The following GALNT14 variants were observed in gnomAD, a reference collection of about 807,000 sequenced individuals.
GALNT14 encodes the protein polypeptide N-acetylgalactosaminyltransferase 14.
In GALNT14, 60 loss-of-function variants were observed where a neutral mutation model predicts 77.5. That is an observed-to-expected ratio of 0.77 (90% confidence interval 0.63 to 0.96). GALNT14 has a LOEUF of 0.96. GALNT14 is among the 40% of genes least tolerant of loss of function. GALNT14 has a pLI of 0.00. For synonymous variants in GALNT14, 280 were observed against 281.7 expected (o/e 0.99, Z 0.06); for missense variants, 710 against 731.0 (o/e 0.97, Z 0.33).
At chr2:30,952,686 A>G (rs975826593) in intron 6 of GALNT14, among the ~76,000 whole-genome samples, 1 of 150,494 alleles carries the variant, frequency 6.6e-6, no homozygotes, top group African/African-American at 2.4e-5. Flanking sequence ...GGTGCAGCGC[A>G]CCAGCATGGC....
Position 30,951,064 on chromosome 2 carries a change from C to T in GALNT14, c.654+4554G>A, listed in dbSNP as rs547746228. ...ATGAGCCAGCAGCAATTCACATATA[C>T]ACCCCCAAATAATTGAAAACAGAGA... On this transcript the variant is annotated intron_variant, in intron 6 of 14. Coordinates refer to ENST00000349752, the MANE Select transcript of GALNT14 (RefSeq NM_024572.4). Among the ~76,000 whole-genome samples the T allele has an allele frequency of 4.6e-5, 7 of 152,318 alleles. No homozygotes were observed. In the South Asian group the frequency reaches 1.2e-3, roughly 27 times the overall value.
At chr2:31,017,895 T>C (rs1468790195) in intron 1 of GALNT14, among the ~76,000 whole-genome samples, 1 of 152,244 alleles carries the variant, frequency 6.6e-6, no homozygotes, top group African/African-American at 2.4e-5. Context: ...AATAGTTTAA[T>C]ATGTTGTTCA....
intron 1 of GALNT14, among the ~76,000 whole-genome samples, chr2:31,015,154 T>C (rs1438397119): frequency 6.6e-6 from 1 of 152,044 alleles, no homozygotes; most frequent in Non-Finnish European, 1.5e-5. Flanking sequence ...TAGCTGGGCA[T>C]AGTGGTGCAC....
At chr2:31,036,144 A>G (rs1324945993) in intron 1 of GALNT14, among the ~76,000 whole-genome samples, 1 of 152,136 alleles carries the variant, frequency 6.6e-6, no homozygotes, top group Non-Finnish European at 1.5e-5. Flanking sequence ...GTAATTAGTA[A>G]TAAGGTAGGA....
intron 1 of GALNT14, among the ~76,000 whole-genome samples, chr2:31,040,759 C>G (rs1673050217): frequency 6.6e-6 from 1 of 152,134 alleles, no homozygotes; most frequent in Admixed American, 6.5e-5. Context: ...TTCCTGCCAG[C>G]CCTGCAGGTG....
intron 9 of GALNT14, 106 bp from the exon 10 acceptor site, chr2:30,932,300 G>C (rs1665785563): frequency 9.0e-7 from 1 of 1,115,944 alleles, no homozygotes; most frequent in African/African-American, 1.6e-5. Context: ...CGAAAGAACA[G>C]ACTCTGCAGC....
chr2:30,910,283 A>G (rs1458767125), downstream of GALNT14, among the ~76,000 whole-genome samples: 1 of 152,024 alleles, frequency 6.6e-6, no homozygotes, highest in Admixed American at 6.6e-5. Context: ...GGTGGGTCAA[A>G]GAAGTTACAT....
intron 1 of GALNT14, among the ~76,000 whole-genome samples, chr2:31,121,895 A>G (rs1401488126): frequency 6.6e-6 from 1 of 152,142 alleles, no homozygotes; most frequent in Admixed American, 6.5e-5. Context: ...CAGATAACCA[A>G]GATCCAAATG....
At chr2:30,898,860 C>T in the GALNT14 span, among the ~76,000 whole-genome samples, 1 of 152,100 alleles carries the variant, frequency 6.6e-6, no homozygotes, top group Non-Finnish European at 1.5e-5. Context: ...AGAGGGAGCT[C>T]ATCCTGGATG....
chr2:30,996,823 G>A (rs1295721975), intron 1 of GALNT14, among the ~76,000 whole-genome samples: 1 of 152,216 alleles, frequency 6.6e-6, no homozygotes, highest in Non-Finnish European at 1.5e-5. Flanking sequence ...ACTGTCATAT[G>A]CACAAAGCGC....
At chr2:31,130,117 T>A (rs1198764162) in intron 1 of GALNT14, among the ~76,000 whole-genome samples, 1 of 152,146 alleles carries the variant, frequency 6.6e-6, no homozygotes, top group Non-Finnish European at 1.5e-5. Flanking sequence ...ATAAGGAGAA[T>A]TTAATTATTT....
At chr2:30,964,931 A>G (rs148214317) in intron 3 of GALNT14, among the ~76,000 whole-genome samples, 5 of 152,108 alleles carry the variant, frequency 3.3e-5, no homozygotes, top group African/African-American at 1.2e-4. Context: ...TGATGGAAAC[A>G]ATGAGATTTT....
intron 1 of GALNT14, among the ~76,000 whole-genome samples, chr2:31,045,523 C>T (rs1055348282): frequency 2.0e-5 from 3 of 152,096 alleles, no homozygotes; most frequent in Admixed American, 6.6e-5. Flanking sequence ...AGTTCAGTGG[C>T]GCAACCTCGG....
At chr2:30,967,137 C>T (rs1032938383) in intron 2 of GALNT14, among the ~76,000 whole-genome samples, 3 of 152,106 alleles carry the variant, frequency 2.0e-5, no homozygotes, top group Non-Finnish European at 4.4e-5. Flanking sequence ...TTTAGGGAGT[C>T]AAATATTTGC....
intron 1 of GALNT14, among the ~76,000 whole-genome samples, chr2:31,135,451 G>A (rs1679183130): frequency 6.6e-6 from 1 of 151,736 alleles, no homozygotes; most frequent in African/African-American, 2.4e-5. Context: ...CTCTTCTCAG[G>A]TACATACACA....
chr2:30,904,491 C>T, the GALNT14 span, among the ~76,000 whole-genome samples: 10 of 152,342 alleles, frequency 6.6e-5, no homozygotes, highest in South Asian at 2.1e-4. Context: ...CCGAATACTG[C>T]GCTTTTCCGA....
intron 3 of GALNT14, among the ~76,000 whole-genome samples, chr2:30,960,042 C>A (rs1210233305): frequency 1.3e-5 from 2 of 152,218 alleles, no homozygotes; most frequent in African/African-American, 2.4e-5. Flanking sequence ...TAGCCTGGAG[C>A]TACCATATTT....
At chr2:31,009,312 G>A (rs966699180) in intron 1 of GALNT14, among the ~76,000 whole-genome samples, 2 of 151,980 alleles carry the variant, frequency 1.3e-5, no homozygotes, top group Non-Finnish European at 2.9e-5. Flanking sequence ...CCCTGGAAAA[G>A]CCCCCCTTCG....
chr2:31,008,566 C>G (rs1156981339), intron 1 of GALNT14, among the ~76,000 whole-genome samples: 2 of 152,154 alleles, frequency 1.3e-5, no homozygotes, highest in Non-Finnish European at 2.9e-5. Context: ...AAGAGTCACT[C>G]TCAGCACATT....
Sources: gnomAD v4.1 joint callset for allele counts (sites outside exome capture counted in the v4.1 genomes callset) on GRCh38, gnomAD v4.1.1 for gene constraint, MANE v1.5 for transcripts, NCBI Gene and HGNC (gene_info 2026-07-23, HGNC 2026-07-21) for gene names.